HYCC1: variants seen among roughly 807,000 people sequenced by gnomAD.
HYCC1 encodes the protein hyccin.
At chr7:22,961,568 A>C in the HYCC1 span, among the ~76,000 whole-genome samples, 1 of 152,246 alleles carries the variant, frequency 6.6e-6, no homozygotes, top group Non-Finnish European at 1.5e-5. Context: ...TATTTATAGA[A>C]CAGAAATAAA....
the HYCC1 span, among the ~76,000 whole-genome samples, chr7:22,916,926 G>A: frequency 6.6e-6 from 1 of 152,138 alleles, no homozygotes; most frequent in African/African-American, 2.4e-5. Context: ...GCACCACCAT[G>A]CTGTTATATA....
At chr7:22,931,044 A>G in the HYCC1 span, among the ~76,000 whole-genome samples, 1 of 152,096 alleles carries the variant, frequency 6.6e-6, no homozygotes, top group Admixed American at 6.6e-5. Flanking sequence ...ATAACGTGAA[A>G]GACAGAATCT....
chr7:22,932,855 C>A, the HYCC1 span, among the ~76,000 whole-genome samples: 1 of 152,130 alleles, frequency 6.6e-6, no homozygotes. Flanking sequence ...GAAATAGAAT[C>A]TTTGCAGATG....
At chr7:22,920,029 G>C in the HYCC1 span, among the ~76,000 whole-genome samples, 18 of 152,230 alleles carry the variant, frequency 1.2e-4, no homozygotes, top group Admixed American at 2.6e-4. Context: ...TGAAAACAAA[G>C]ATAAAAAGGA....
At chr7:22,915,165 C>T in the HYCC1 span, among the ~76,000 whole-genome samples, 1 of 152,284 alleles carries the variant, frequency 6.6e-6, no homozygotes, top group Middle Eastern at 3.4e-3. Flanking sequence ...CAATCCACTC[C>T]CAGCATTGCA....
the HYCC1 span, chr7:22,947,122 C>G: frequency 6.4e-7 from 1 of 1,550,478 alleles, no homozygotes; most frequent in Non-Finnish European, 8.7e-7. Flanking sequence ...TGCTGAGCAT[C>G]AATCTCTCCT....
chr7:22,959,891 ACTTG>A, the HYCC1 span, among the ~76,000 whole-genome samples: 1 of 152,314 alleles, frequency 6.6e-6, no homozygotes, highest in East Asian at 1.9e-4. Flanking sequence ...ATGTAAATTC[ACTTG>A]CTTAAGAGTT....
chr7:22,976,440 G>A, the HYCC1 span: 3 of 703,320 alleles, frequency 4.3e-6, no homozygotes, highest in Non-Finnish European at 7.2e-6. Context: ...CACCAATAAT[G>A]AAAAACTACA....
the HYCC1 span, among the ~76,000 whole-genome samples, chr7:22,902,752 T>C: frequency 2.6e-5 from 4 of 152,210 alleles, no homozygotes; most frequent in South Asian, 2.1e-4. Flanking sequence ...CTTCAAATCA[T>C]GTACAAAAAT....
the HYCC1 span, among the ~76,000 whole-genome samples, chr7:23,002,898 T>C: frequency 2.6e-5 from 4 of 152,132 alleles, no homozygotes; most frequent in Admixed American, 1.3e-4. Flanking sequence ...TCTGAGAGAA[T>C]AGTTTCAGGT....
At chr7:22,986,719 G>A in the HYCC1 span, among the ~76,000 whole-genome samples, 1 of 152,118 alleles carries the variant, frequency 6.6e-6, no homozygotes, top group African/African-American at 2.4e-5. Flanking sequence ...GTGGTGCCAC[G>A]CACCTGTAGT....
the HYCC1 span, chr7:22,936,565 G>A: frequency 6.6e-6 from 1 of 152,188 alleles, no homozygotes; most frequent in African/African-American, 2.4e-5. Context: ...TGCAATCTGA[G>A]CCTATTTTAA....
chr7:22,924,195 A>AAAAGG, the HYCC1 span, among the ~76,000 whole-genome samples: 3 of 136,658 alleles, frequency 2.2e-5, no homozygotes, highest in South Asian at 2.3e-4. Flanking sequence ...AAAAAAAAAA[A>AAAAGG]GGGGGGTGGA....
At chr7:22,965,782 G>A in the HYCC1 span, among the ~76,000 whole-genome samples, 1 of 151,924 alleles carries the variant, frequency 6.6e-6, no homozygotes, top group South Asian at 2.1e-4. Context: ...ACACCTAGCT[G>A]TTTAAAACAA....
chr7:22,970,625 G>T, the HYCC1 span, among the ~76,000 whole-genome samples: 1 of 152,200 alleles, frequency 6.6e-6, no homozygotes, highest in Admixed American at 6.5e-5. Flanking sequence ...CATTTGAGCT[G>T]AGACCCAAAA....
chr7:22,986,028 T>TTATATA, the HYCC1 span, among the ~76,000 whole-genome samples: 11 of 149,290 alleles, frequency 7.4e-5, no homozygotes, highest in Non-Finnish European at 1.3e-4. Context: ...GATTACTACT[T>TTATATA]TATATATATA....
the HYCC1 span, among the ~76,000 whole-genome samples, chr7:22,957,479 A>AG: frequency 6.6e-6 from 1 of 151,998 alleles, no homozygotes; most frequent in African/African-American, 2.4e-5. Context: ...ACAGAAAAAA[A>AG]GAAAAAAGGG....
At chr7:22,974,568 C>G in the HYCC1 span, among the ~76,000 whole-genome samples, 2 of 152,216 alleles carry the variant, frequency 1.3e-5, no homozygotes, top group African/African-American at 2.4e-5. Context: ...AAAGACTTCA[C>G]GTCTCTATCT....
At chr7:22,952,059 T>C in the HYCC1 span, among the ~76,000 whole-genome samples, 3 of 152,102 alleles carry the variant, frequency 2.0e-5, no homozygotes, top group East Asian at 1.9e-4. Flanking sequence ...TATTCATGCA[T>C]TCAACTGAAA....
Sources: allele counts gnomAD v4.1 joint callset (sites outside exome capture counted in the v4.1 genomes callset), GRCh38; gene constraint gnomAD v4.1.1; transcripts MANE v1.5; gene names NCBI Gene and HGNC (gene_info 2026-07-23, HGNC 2026-07-21).